Variants in FAM3D observed in about 807,000 individuals in gnomAD.
FAM3D encodes FAM3 metabolism regulating signaling molecule D.
FAM3D carries 26 observed loss-of-function variants against 29.8 expected under a neutral mutation model. The observed-to-expected ratio is 0.87, with a 90% CI of 0.64 to 1.21. FAM3D has a LOEUF of 1.21. Among genes scored for constraint, FAM3D ranks in the 50% most tolerant of loss-of-function variants. FAM3D has a pLI of 0.00. For synonymous variants in FAM3D, 115 were observed against 102.3 expected (o/e 1.12, Z -0.75); for missense variants, 253 against 290.9 (o/e 0.87, Z 0.95).
At chr3:58,648,645 C>T (rs1440923429) in intron 4 of FAM3D, among the ~76,000 whole-genome samples, 1 of 152,198 alleles carries the variant, frequency 6.6e-6, no homozygotes, top group South Asian at 2.1e-4. Context: ...ACTCAATCAT[C>T]GTTACTAGTA....
At chr3:58,666,428 C>G (rs1276947419) in intron 1 of FAM3D, 148 bp downstream of exon 1, 1 of 152,192 alleles carries the variant, frequency 6.6e-6, no homozygotes, top group Non-Finnish European at 1.5e-5. Context: ...GGAATCTCTT[C>G]GATTATGTGG....
rs143591792 is a variant in FAM3D, at chr3:58,637,136, C to T, written c.458+5G>A. 1 of 1,613,640 alleles carries T rather than the reference C, an allele frequency of 6.2e-7. No homozygotes were observed. The highest frequency in any genetic ancestry group is 2.2e-5 in the East Asian group (1 of 44,888). On this transcript the variant is annotated splice_donor_5th_base_variant and intron_variant, in intron 8 of 9. Transcript: ENST00000358781. ...GTGGCCTGGCAGGTAGAGTTTTCTACTTACTTGGTCCCTGGATCGTCGTAG... is the reference window on the plus strand; with the variant it reads ...GTGGCCTGGCAGGTAGAGTTTTCTATTTACTTGGTCCCTGGATCGTCGTAG...
At chr3:58,658,305 G>C (rs542852799) in intron 1 of FAM3D, among the ~76,000 whole-genome samples, 4 of 152,328 alleles carry the variant, frequency 2.6e-5, no homozygotes, top group African/African-American at 9.6e-5. Flanking sequence ...TGGAAGGTTA[G>C]AATGATTAAA....
Position 58,634,390 on chromosome 3 carries a change from A to G in FAM3D, c.586-22T>C, listed in dbSNP as rs562185882. ...AGAACTAGAGAGAGAGAAGACAGAG[A>G]AATATAGGCAGTGAGTGAGGCTGTT... is the stretch of plus-strand genomic sequence containing the variant. On this transcript the variant is annotated intron_variant, in intron 9 of 9. Transcript: ENST00000358781. The surrounding 1 kb of genome is among the most constrained non-coding windows in gnomAD (Gnocchi z 4.6). The G allele has an allele frequency of 4.7e-5, 75 of 1,607,112 alleles. 1 individual carries two copies. In the South Asian group the frequency reaches 7.5e-4, roughly 16 times the overall value.
intron 4 of FAM3D, among the ~76,000 whole-genome samples, chr3:58,646,514 C>A (rs1478861429): frequency 1.3e-5 from 2 of 152,216 alleles, no homozygotes; most frequent in Admixed American, 1.3e-4. Flanking sequence ...GCCCTTGCAG[C>A]CTGGCATGTT....
chr3:58,641,371 T>G (rs1224213021), intron 6 of FAM3D, among the ~76,000 whole-genome samples: 3 of 148,580 alleles, frequency 2.0e-5, no homozygotes. Flanking sequence ...CTTAACCTCT[T>G]TTTTTTTTTT....
intron 6 of FAM3D, among the ~76,000 whole-genome samples, chr3:58,640,548 T>A (rs1413127496): frequency 1.3e-5 from 2 of 152,252 alleles, no homozygotes; most frequent in Non-Finnish European, 2.9e-5. Flanking sequence ...TCATACAAGA[T>A]GAATTTTAGC....
At chr3:58,648,784 T>G (rs1575481555) in intron 4 of FAM3D, among the ~76,000 whole-genome samples, 1 of 152,096 alleles carries the variant, frequency 6.6e-6, no homozygotes, top group Non-Finnish European at 1.5e-5. Flanking sequence ...GGGGTGCCCC[T>G]CCTGGAACCC....
chr3:58,661,179 G>T (rs1397969014), intron 1 of FAM3D, among the ~76,000 whole-genome samples: 2 of 152,228 alleles, frequency 1.3e-5, no homozygotes, highest in African/African-American at 4.8e-5. Context: ...GCGGGCTGTT[G>T]TTTGCCCACC....
intron 1 of FAM3D, among the ~76,000 whole-genome samples, chr3:58,665,567 A>G (rs1359695251): frequency 1.3e-5 from 2 of 152,180 alleles, no homozygotes; most frequent in African/African-American, 4.8e-5. Context: ...TACCTGACCC[A>G]ATTAATGCTC....
At position 58,653,781 on chromosome 3, in the gene FAM3D, C is replaced by G. The variant is rs867454790; in HGVS notation, c.14G>C (p.Gly5Ala). 6.2e-7 allele frequency: 1 copy of G among 1,612,990 alleles called. No individual in the cohort carries two copies. Among genetic ancestry groups the G allele is most frequent in the East Asian group, 2.2e-5 (1 of 44,878 alleles). The change falls in exon 3 of 10, where the codon GGT becomes GCT. Residue 5 changes from glycine (G) to alanine (A), a missense_variant and splice_region_variant. Physicochemically the swap from Gly to Ala is moderately conservative, Grantham distance 60. Coordinates refer to ENST00000358781, the MANE Select transcript of FAM3D (RefSeq NM_138805.3). Reference protein sequence around the residue: MRVSGVLRLLALIFA... With the variant: MRVSAVLRLLALIFA... ...GATGAGGGCCAGGAGGCGAAGCACA[C>G]CTGCTGAGCAAGGGGATGCTGCCAG...
intron 3 of FAM3D, chr3:58,649,539 G>GCATT: frequency 1.6e-6 from 1 of 614,150 alleles, no homozygotes; most frequent in Non-Finnish European, 2.9e-6. Context: ...ATACACATGT[G>GCATT]TACACACACG....
At chr3:58,637,301 C>G (rs1559494962) in intron 7 of FAM3D, 76 bp from the exon 8 acceptor site, 14 of 1,375,106 alleles carry the variant, frequency 1.0e-5, no homozygotes, top group Non-Finnish European at 1.4e-5. Flanking sequence ...TCTACTGCCC[C>G]ATGATGCAGG....
rs892356040 is a variant in FAM3D, at chr3:58,635,951, G to A, written c.585+343C>T. ...GGACAGGCATCCTGCTCCTTTCCCC[G>A]GGATCCCCTTCCCCGCCACACAGCT... is the stretch of plus-strand genomic sequence containing the variant. On this transcript the variant is annotated intron_variant, in intron 9 of 9. Transcript: ENST00000358781. This position sits in a 1 kb window ranked among gnomAD's most constrained non-coding sequence, Gnocchi z 5.2. Among the ~76,000 whole-genome samples the A allele has an allele frequency of 2.6e-5, 4 of 152,162 alleles. No homozygotes were observed. Among genetic ancestry groups the A allele is most frequent in the East Asian group, 3.9e-4 (2 of 5,190 alleles).
chr3:58,634,186 C>G lies in FAM3D; in HGVS notation c.*93G>C, dbSNP rs924240577. 5.3e-5 allele frequency: 62 copies of G among 1,169,316 alleles called. No individual in the cohort carries two copies. Among genetic ancestry groups the G allele is most frequent in the Non-Finnish European group, 7.0e-5 (57 of 811,088 alleles). 72.4% of individuals were successfully genotyped at this position (1,169,316 alleles called of 1,614,324 possible). On this transcript the variant is annotated 3_prime_UTR_variant, in exon 10 of 10. Transcript: ENST00000358781. The surrounding 1 kb of genome is among the most constrained non-coding windows in gnomAD (Gnocchi z 4.6). ...CTGCAGCACCTTCCACGCAGCACCC[C>G]CTGCTCCTCCTCCTCAGCCCCTGCC...
Position 58,636,438 on chromosome 3 carries a change from G to A in FAM3D, c.459-18C>T. On this transcript the variant is annotated intron_variant, in intron 8 of 9. Coordinates refer to ENST00000358781, the MANE Select transcript of FAM3D (RefSeq NM_138805.3). ...CGTTCATTCTGCAGAGGACCAGAGA[G>A]GATGGTCAGGATGCGGGGGTGGGTC... 6.2e-7 allele frequency: 1 copy of A among 1,613,156 alleles called. No individual in the cohort carries two copies.
chr3:58,646,119 G>A (rs1045565637), intron 4 of FAM3D, among the ~76,000 whole-genome samples: 1 of 152,326 alleles, frequency 6.6e-6, no homozygotes, highest in East Asian at 1.9e-4. Context: ...GGTATCTGTG[G>A]TGCCTCCCCC....
intron 7 of FAM3D, among the ~76,000 whole-genome samples, chr3:58,639,833 G>A (rs373586755): frequency 1.4e-4 from 21 of 152,314 alleles, no homozygotes; most frequent in South Asian, 8.3e-4. Context: ...GCCCTGGGCT[G>A]AGGACAGGGT....
At chr3:58,637,270 C>T (rs771522938) in intron 7 of FAM3D, 45 bp from the exon 8 acceptor site, 4 of 1,532,156 alleles carry the variant, frequency 2.6e-6, no homozygotes, top group Non-Finnish European at 1.8e-6. Flanking sequence ...GGGAAATGAG[C>T]CCTGGTCATT....
Sources: gnomAD v4.1 joint callset for allele counts (sites outside exome capture counted in the v4.1 genomes callset) on GRCh38, gnomAD v4.1.1 for gene constraint, Gnocchi (gnomAD v3.1) non-coding constraint, MANE v1.5 for transcripts, NCBI Gene and HGNC (gene_info 2026-07-23, HGNC 2026-07-21) for gene names.